The following DGKB variants were observed in gnomAD, a reference collection of about 807,000 sequenced individuals.
The protein encoded by DGKB is 90 kDa diacylglycerol kinase.
DGKB carries 67 observed loss-of-function variants against 114.3 expected under a neutral mutation model. That is an observed-to-expected ratio of 0.59 (90% CI 0.48 to 0.72). The LOEUF (loss-of-function observed/expected upper bound fraction) is 0.72. DGKB is among the 30% of genes least tolerant of loss of function. The pLI is 0.00. For missense variants in DGKB, 907 were observed against 975.2 expected (o/e 0.93, Z 0.93); for synonymous variants, 398 against 323.1 (o/e 1.23, Z -2.49).
chr7:14,911,375 T>C (rs1000580350), intron 1 of DGKB, among the ~76,000 whole-genome samples: 3 of 151,998 alleles, frequency 2.0e-5, no homozygotes, highest in African/African-American at 7.2e-5. Flanking sequence ...TCTATTTTCA[T>C]TTTTTTATTG....
intron 21 of DGKB, among the ~76,000 whole-genome samples, chr7:14,401,963 T>TACACACAC (rs68097407): frequency 6.7e-4 from 99 of 148,422 alleles, no homozygotes; most frequent in African/African-American, 2.4e-3. Flanking sequence ...CAATAATTTG[T>TACACACAC]ACACACACAC....
chr7:14,577,497 G>C (rs180730984), intron 19 of DGKB, among the ~76,000 whole-genome samples: 2 of 152,200 alleles, frequency 1.3e-5, no homozygotes, highest in Non-Finnish European at 2.9e-5. Flanking sequence ...GGCGCCCGTA[G>C]TACCAGCTAC....
chr7:14,699,774 CA>C (rs984933272), intron 7 of DGKB, among the ~76,000 whole-genome samples: 2 of 151,396 alleles, frequency 1.3e-5, no homozygotes, highest in Non-Finnish European at 2.9e-5. Context: ...CCTTTAATTA[CA>C]AAAAAATAGA....
intron 23 of DGKB, among the ~76,000 whole-genome samples, chr7:14,197,038 A>AG (rs1785130825): frequency 2.0e-5 from 3 of 152,098 alleles, no homozygotes. Context: ...TGAAACCCTA[A>AG]GAGAGGTTCA....
chr7:14,860,108 T>TA (rs1850753120), intron 1 of DGKB, among the ~76,000 whole-genome samples: 1 of 152,132 alleles, frequency 6.6e-6, no homozygotes, highest in Admixed American at 6.6e-5. Context: ...TTTTCATACT[T>TA]ACATGATACA....
intron 21 of DGKB, among the ~76,000 whole-genome samples, chr7:14,439,077 G>C (rs955992148): frequency 3.3e-5 from 5 of 151,674 alleles, no homozygotes; most frequent in Admixed American, 6.6e-5. Flanking sequence ...TCCAACTAAA[G>C]TGTCTTTACA....
chr7:14,336,105 A>G (rs1810601870), intron 23 of DGKB, among the ~76,000 whole-genome samples: 1 of 152,224 alleles, frequency 6.6e-6, no homozygotes, highest in Non-Finnish European at 1.5e-5. Context: ...ATTACTATTT[A>G]GGAAAGGGAT....
In DGKB at chr7:14,871,301, C is replaced by T. The variant is rs553492302; in HGVS notation, c.-187-29851G>A. Among the ~76,000 whole-genome samples the T allele has an allele frequency of 2.0e-5, 3 of 152,164 alleles. No homozygotes were observed. The South Asian group carries it at 6.2e-4, about 32-fold the overall frequency. ...TTTAGCAATTTCAAAATACATAATACATTTTTATTAACTATAGTCACCATG... is the reference window on the plus strand; with the variant it reads ...TTTAGCAATTTCAAAATACATAATATATTTTTATTAACTATAGTCACCATG... On this transcript the variant is annotated intron_variant, in intron 1 of 25. Coordinates refer to ENST00000402815, the MANE Select transcript of DGKB (RefSeq NM_001350709.2).
chr7:14,466,475 T>C (rs1395253575), intron 21 of DGKB, among the ~76,000 whole-genome samples: 1 of 152,136 alleles, frequency 6.6e-6, no homozygotes, highest in Non-Finnish European at 1.5e-5. Context: ...TTAAACACAG[T>C]GACAGGCCTA....
At chr7:14,791,703 T>C (rs373177599) in intron 2 of DGKB, among the ~76,000 whole-genome samples, 3 of 152,264 alleles carry the variant, frequency 2.0e-5, no homozygotes, top group African/African-American at 7.2e-5. Flanking sequence ...TTTATTTTCA[T>C]CCCATTAATA....
At chr7:14,270,793 G>A (rs1798162609) in intron 23 of DGKB, among the ~76,000 whole-genome samples, 2 of 152,184 alleles carry the variant, frequency 1.3e-5, no homozygotes, top group Admixed American at 6.5e-5. Context: ...GGTCTTGAAA[G>A]TTGCTTAAGG....
intron 25 of DGKB, among the ~76,000 whole-genome samples, chr7:14,152,824 G>T (rs2128214451): frequency 6.6e-6 from 1 of 152,168 alleles, no homozygotes; most frequent in Middle Eastern, 3.4e-3. Flanking sequence ...CCTCATAGTT[G>T]TAATGTTAAG....
intron 20 of DGKB, among the ~76,000 whole-genome samples, chr7:14,501,754 TTA>T (rs1449380320): frequency 6.6e-6 from 1 of 151,952 alleles, no homozygotes; most frequent in Non-Finnish European, 1.5e-5. Context: ...CTATGTCATT[TTA>T]TGTTGGATGT....
intron 1 of DGKB, among the ~76,000 whole-genome samples, chr7:14,922,409 T>TGTGA (rs2128247562): frequency 6.6e-6 from 1 of 151,892 alleles, no homozygotes; most frequent in East Asian, 1.9e-4. Flanking sequence ...TGTGTGTGTG[T>TGTGA]GTGTGTATCA....
intron 23 of DGKB, among the ~76,000 whole-genome samples, chr7:14,287,620 T>A (rs1312437905): frequency 1.3e-5 from 2 of 152,156 alleles, no homozygotes; most frequent in East Asian, 3.9e-4. Context: ...GTTAATGTGA[T>A]ATTAGACCCT....
At chr7:14,343,530 T>C (rs1195872796) in intron 22 of DGKB, among the ~76,000 whole-genome samples, 1 of 150,044 alleles carries the variant, frequency 6.7e-6, no homozygotes, top group Non-Finnish European at 1.5e-5. Flanking sequence ...TCTTAAAGAT[T>C]TTTTTTTTGT....
intron 23 of DGKB, among the ~76,000 whole-genome samples, chr7:14,245,874 G>A (rs1477698718): frequency 1.3e-5 from 2 of 152,180 alleles, no homozygotes; most frequent in Admixed American, 6.5e-5. Context: ...GTTGCAGTGA[G>A]CCAAGATCAT....
chr7:14,202,274 G>T (rs148897918), intron 23 of DGKB, among the ~76,000 whole-genome samples: 119 of 152,102 alleles, frequency 7.8e-4, no homozygotes, highest in African/African-American at 2.8e-3. Context: ...ATGGAGGAAA[G>T]AAGTCAGAGA....
intron 13 of DGKB, among the ~76,000 whole-genome samples, chr7:14,659,675 C>T (rs1816622406): frequency 6.7e-6 from 1 of 148,166 alleles, no homozygotes; most frequent in Non-Finnish European, 1.5e-5. Context: ...ATGTCGTCTG[C>T]AAACAGGGAC....
Sources: gnomAD v4.1 joint callset for allele counts (sites outside exome capture counted in the v4.1 genomes callset) on GRCh38, gnomAD v4.1.1 for gene constraint, MANE v1.5 for transcripts, NCBI Gene and HGNC (gene_info 2026-07-23, HGNC 2026-07-21) for gene names.